Variants in DRGX observed in about 807,000 individuals in gnomAD.
DRGX encodes dorsal root ganglia homeobox protein.
DRGX carries 21 observed loss-of-function variants against 28.6 expected under a neutral mutation model. The ratio of observed to expected loss-of-function variants is 0.73; its 90% CI spans 0.52 to 1.06. DRGX has a LOEUF of 1.06. Ranked by LOEUF, DRGX falls within the 50% of genes least tolerant of loss-of-function variation. DRGX has a pLI of 0.00. For synonymous variants in DRGX, 136 were observed against 139.1 expected (o/e 0.98, Z 0.16); for missense variants, 354 against 343.9 (o/e 1.03, Z -0.23).
intron 1 of DRGX, among the ~76,000 whole-genome samples, 195 bp from the exon 2 acceptor site, chr10:49,395,716 C>T (rs990285419): frequency 1.3e-5 from 2 of 152,214 alleles, no homozygotes; most frequent in African/African-American, 4.8e-5. Flanking sequence ...GTGTCCACCT[C>T]CCGGACGGCC....
chr10:49,384,397 A>G lies in DRGX; in HGVS notation c.526+2081T>C, dbSNP rs144638993. Among the ~76,000 whole-genome samples, 978 of 152,294 alleles carry G rather than the reference A, an allele frequency of 6.4e-3. 11 individuals are homozygous for G. Among genetic ancestry groups the G allele is most frequent in the African/African-American group, 0.023 (945 of 41,566 alleles). ...CTGGCTGCCCCTGAAGGGCCCCTAC[A>G]GTGCACAAAGACACATCCAAGTTTG... On this transcript the variant is annotated intron_variant, in intron 6 of 6. Transcript: ENST00000374139.
At chr10:49,373,682 T>C (rs111788064) in intron 6 of DRGX, among the ~76,000 whole-genome samples, 116 of 152,350 alleles carry the variant, frequency 7.6e-4, no homozygotes, top group African/African-American at 2.6e-3. Context: ...TTCCAGCACC[T>C]TGATCTTAGA....
Position 49,390,128 on chromosome 10 carries a change from T to C in DRGX, c.234+5A>G. The C allele has an allele frequency of 6.2e-7, 1 of 1,603,568 alleles. No homozygotes were observed. The highest frequency in any genetic ancestry group is 8.5e-7 in the Non-Finnish European group (1 of 1,175,148). ...GAGAGTTAAATAATTAAAAAGAAGG[T>C]TTACCTGCACTCTGGCTTCTGTGAG... On this transcript the variant is annotated splice_donor_5th_base_variant and intron_variant, in intron 4 of 6. Transcript: ENST00000374139.
At chr10:49,393,829 A>G (rs1303584577) in intron 2 of DRGX, among the ~76,000 whole-genome samples, 4 of 152,220 alleles carry the variant, frequency 2.6e-5, no homozygotes, top group African/African-American at 9.7e-5. Flanking sequence ...TGGGGAGCAC[A>G]GTAAGCCAGC....
At chr10:49,375,410 G>A (rs1394136622) in intron 6 of DRGX, among the ~76,000 whole-genome samples, 1 of 152,182 alleles carries the variant, frequency 6.6e-6, no homozygotes, top group Admixed American at 6.5e-5. Context: ...GCACATTTTA[G>A]TTCTTCAAAG....
chr10:49,391,262 C>T lies in DRGX; in HGVS notation c.35-1G>A. 6.2e-7 allele frequency: 1 copy of T among 1,608,230 alleles called. No homozygotes were observed. Among genetic ancestry groups the T allele is most frequent in the Non-Finnish European group, 8.5e-7 (1 of 1,177,274 alleles). On this transcript the variant is annotated splice_acceptor_variant, in intron 2 of 6. Coordinates refer to ENST00000374139, the MANE Select transcript of DRGX (RefSeq NM_001276451.2). LOFTEE classifies it high-confidence loss of function. ...GAGTGATTGCCAAAGGTTGCAGTGCCTACCAAGAGCAAACTGATCAACCTG... is the reference window on the plus strand; with the variant it reads ...GAGTGATTGCCAAAGGTTGCAGTGCTTACCAAGAGCAAACTGATCAACCTG...
At chr10:49,375,547 T>G (rs1849707673) in intron 6 of DRGX, among the ~76,000 whole-genome samples, 2 of 152,200 alleles carry the variant, frequency 1.3e-5, no homozygotes, top group Non-Finnish European at 2.9e-5. Context: ...TTTGGTGGAA[T>G]CAGCTCTAAA....
At chr10:49,375,641 T>C (rs1849708599) in intron 6 of DRGX, among the ~76,000 whole-genome samples, 1 of 152,162 alleles carries the variant, frequency 6.6e-6, no homozygotes, top group South Asian at 2.1e-4. Context: ...CACTCATTGA[T>C]GGGGGCCAAC....
chr10:49,390,318 T>C, intron 3 of DRGX, 84 bp from the exon 4 acceptor site: 1 of 1,187,556 alleles, frequency 8.4e-7, no homozygotes, highest in Non-Finnish European at 1.2e-6. Flanking sequence ...CTCCTGTGAG[T>C]GGTGAGGAAG....
At position 49,365,220 on chromosome 10, in the gene DRGX, T is replaced by A. The variant is rs755645428; in HGVS notation, c.*896A>T. ...TGTGGGGAAAGGTAGTTCATCTGTA[T>A]GCATAATTACTTCAGAGGCATTCCT... On this transcript the variant is annotated 3_prime_UTR_variant, in exon 7 of 7. Transcript: ENST00000374139. The A allele has an allele frequency of 1.3e-5, 2 of 152,224 alleles. No homozygotes were observed. Among genetic ancestry groups the A allele is most frequent in the Non-Finnish European group, 1.5e-5 (1 of 68,050 alleles). 9.4% of individuals were successfully genotyped at this position (152,224 alleles called of 1,614,324 possible).
chr10:49,371,367 T>C (rs567437959), intron 6 of DRGX, among the ~76,000 whole-genome samples: 2 of 152,246 alleles, frequency 1.3e-5, no homozygotes, highest in East Asian at 3.9e-4. Flanking sequence ...TGTGCTCAAG[T>C]AGAGGCCAGG....
chr10:49,380,558 TGA>T (rs766325525), intron 6 of DRGX, among the ~76,000 whole-genome samples: 1 of 152,164 alleles, frequency 6.6e-6, no homozygotes, highest in Non-Finnish European at 1.5e-5. Context: ...TCTTCTTATT[TGA>T]GAGTTTCCAT....
Sources: allele counts gnomAD v4.1 joint callset (sites outside exome capture counted in the v4.1 genomes callset), GRCh38; gene constraint gnomAD v4.1.1; transcripts MANE v1.5; gene names NCBI Gene and HGNC (gene_info 2026-07-23, HGNC 2026-07-21).